Variants in PAN3 observed in about 807,000 individuals in gnomAD.
The protein encoded by PAN3 is PAN2-PAN3 deadenylation complex subunit PAN3.
Under a neutral mutation model 96.2 loss-of-function variants are expected in PAN3, and 19 were observed. The observed-to-expected ratio is 0.20, with a 90% CI of 0.14 to 0.29. The LOEUF (loss-of-function observed/expected upper bound fraction) is 0.29, where lower values mean the gene tolerates loss of function less well. Among genes scored for constraint, PAN3 ranks in the 10% least tolerant of loss-of-function variants. The probability of loss-of-function intolerance (pLI) is 1.00; values close to 1 mark genes in which losing one functional copy is unlikely to be tolerated. For synonymous variants in PAN3, 433 were observed against 406.6 expected (o/e 1.06, Z -0.78); for missense variants, 882 against 1,108.1 (o/e 0.80, Z 2.90).
intron 1 of PAN3, among the ~76,000 whole-genome samples, chr13:28,139,440 G>T (rs1458065402): frequency 6.6e-6 from 1 of 151,476 alleles, no homozygotes; most frequent in Non-Finnish European, 1.5e-5. Flanking sequence ...GGGTTTGCAG[G>T]CACATGTGTT....
chr13:28,284,521 C>G (rs1249310444), intron 17 of PAN3, among the ~76,000 whole-genome samples: 2 of 152,012 alleles, frequency 1.3e-5, no homozygotes, highest in African/African-American at 2.4e-5. Flanking sequence ...TATGAAGGAA[C>G]TATTTCATGG....
At chr13:28,192,134 A>C (rs1043395724) in intron 4 of PAN3, among the ~76,000 whole-genome samples, 7 of 146,876 alleles carry the variant, frequency 4.8e-5, no homozygotes, top group African/African-American at 1.8e-4. Flanking sequence ...CAGCGGCACC[A>C]TCTCAGCTCA....
chr13:28,244,867 G>A (rs990950842), intron 6 of PAN3, among the ~76,000 whole-genome samples: 13 of 151,156 alleles, frequency 8.6e-5, no homozygotes, highest in African/African-American at 2.9e-4. Flanking sequence ...TTTTATTTTT[G>A]AGATGGAGTC....
At chr13:28,252,608 G>T (rs1384935753) in intron 6 of PAN3, among the ~76,000 whole-genome samples, 18 of 151,904 alleles carry the variant, frequency 1.2e-4, no homozygotes, top group Admixed American at 3.9e-4. Context: ...ACTTTTATTT[G>T]AATTGGGTAC....
chr13:28,285,040 C>CT (rs1566261185), intron 17 of PAN3, among the ~76,000 whole-genome samples: 1 of 152,080 alleles, frequency 6.6e-6, no homozygotes, highest in Non-Finnish European at 1.5e-5. Flanking sequence ...TTAAGTTGTT[C>CT]TTTATATAGT....
At chr13:28,271,909 A>G (rs1886651816) in intron 13 of PAN3, 72 bp from the exon 14 acceptor site, 1 of 1,068,558 alleles carries the variant, frequency 9.4e-7, no homozygotes, top group Non-Finnish European at 1.3e-6. Context: ...GGGAAATGTT[A>G]CTTTTCCATG....
intron 6 of PAN3, chr13:28,239,722 G>A (rs1196875590): frequency 4.1e-6 from 5 of 1,223,382 alleles, no homozygotes; most frequent in Admixed American, 4.6e-5. Context: ...TGAAGGGATT[G>A]TTGAGTTCAG....
intron 5 of PAN3, chr13:28,215,899 T>C (rs1362894696): frequency 1.6e-6 from 2 of 1,289,544 alleles, no homozygotes; most frequent in Non-Finnish European, 2.2e-6. Context: ...GCTAAATGAA[T>C]ATTATCCCTA....
At chr13:28,179,677 C>G (rs1875509071) in intron 4 of PAN3, among the ~76,000 whole-genome samples, 1 of 149,114 alleles carries the variant, frequency 6.7e-6, no homozygotes, top group East Asian at 2.0e-4. Flanking sequence ...GCACTCCAGT[C>G]TGGACAACAG....
rs75154667 is a variant in PAN3, at chr13:28,244,511, T to C, written c.1001-11781T>C. 7.6e-3 allele frequency among the ~76,000 whole-genome samples: 1,164 copies of C among 152,290 alleles called. 10 individuals are homozygous for C. Among genetic ancestry groups the C allele is most frequent in the South Asian group, 0.013 (64 of 4,830 alleles). Reference sequence around the variant, plus strand: ...TTATTGAGCAGGTCATCTCCTCCCTTGAAGTCTGAATATAACATAAAGTAT... The same window carrying C: ...TTATTGAGCAGGTCATCTCCTCCCTCGAAGTCTGAATATAACATAAAGTAT... On this transcript the variant is annotated intron_variant, in intron 6 of 18. Coordinates refer to ENST00000380958, the MANE Select transcript of PAN3 (RefSeq NM_175854.8).
chr13:28,213,968 A>G (rs938562366), intron 5 of PAN3, among the ~76,000 whole-genome samples: 1 of 152,168 alleles, frequency 6.6e-6, no homozygotes, highest in Non-Finnish European at 1.5e-5. Flanking sequence ...GATCTCTTAT[A>G]CAGTGCTGGT....
intron 6 of PAN3, chr13:28,239,767 G>C (rs1883471926): frequency 2.2e-6 from 2 of 920,458 alleles, no homozygotes; most frequent in South Asian, 2.8e-5. Flanking sequence ...AGGGGTTGCT[G>C]TTGTGAAAAC....
intron 4 of PAN3, among the ~76,000 whole-genome samples, chr13:28,179,878 T>C (rs1593420152): frequency 6.6e-6 from 1 of 152,054 alleles, no homozygotes; most frequent in Non-Finnish European, 1.5e-5. Context: ...TTTGAGAAAA[T>C]AATAAAAATT....
chr13:28,220,258 A>G lies in PAN3; in HGVS notation c.880A>G (p.Ile294Val), dbSNP rs763086594. The G allele has an allele frequency of 2.5e-6, 4 of 1,613,256 alleles. No individual in the cohort carries two copies. The highest frequency in any genetic ancestry group is 2.2e-5 in the South Asian group (2 of 90,944). Residue 294 changes from isoleucine to valine, a missense_variant, in exon 6 of 19, where the codon ATT becomes GTT. Ile to Val is a conservative substitution (Grantham distance 29, BLOSUM62 3). This residue lies in a region of PAN3 where 442 missense variants were observed against 422.8 expected (regional missense o/e 1.05). Transcript: ENST00000380958. ...QTPNPTASEF[I>V]PKGGSTSRLS... ...ACCAAATCCTACTGCAAGCGAGTTT[A>G]TTCCTAAAGGAGGATCAACCTCCAG...
chr13:28,224,136 G>T (rs192932733), intron 6 of PAN3, among the ~76,000 whole-genome samples: 10 of 152,258 alleles, frequency 6.6e-5, no homozygotes, highest in Admixed American at 5.9e-4. Flanking sequence ...CTCCCAAAGT[G>T]CTGGGATTAC....
intron 6 of PAN3, chr13:28,239,760 G>GGAATTAAAA: frequency 1.0e-6 from 1 of 977,666 alleles, no homozygotes; most frequent in Non-Finnish European, 1.4e-6. Context: ...AATCATAAGG[G>GGAATTAAAA]GTTGCTGTTG....
In PAN3 at chr13:28,197,352, A is replaced by T. The variant is rs750288545; in HGVS notation, c.852+6A>T. The T allele has an allele frequency of 6.4e-7, 1 of 1,571,058 alleles. No homozygotes were observed. The highest frequency in any genetic ancestry group is 8.6e-7 in the Non-Finnish European group (1 of 1,157,040). ...TCACAGAAAACAATTTACAGGTAAA[A>T]ATAATTTTTATTAGACATTTCTTGA... On this transcript the variant is annotated splice_donor_region_variant and intron_variant, in intron 5 of 18. Coordinates refer to ENST00000380958, the MANE Select transcript of PAN3 (RefSeq NM_175854.8).
intron 4 of PAN3, among the ~76,000 whole-genome samples, chr13:28,189,167 G>A (rs1172843295): frequency 6.6e-6 from 1 of 152,138 alleles, no homozygotes; most frequent in Admixed American, 6.5e-5. Context: ...TTATGAAGTG[G>A]GGCAAAGGTT....
chr13:28,200,922 T>C (rs1878610288), intron 5 of PAN3, among the ~76,000 whole-genome samples: 1 of 152,214 alleles, frequency 6.6e-6, no homozygotes, highest in Non-Finnish European at 1.5e-5. Context: ...CAAAATTTTA[T>C]TGAAATTGCT....
Sources: allele counts gnomAD v4.1 joint callset (sites outside exome capture counted in the v4.1 genomes callset), GRCh38; gene constraint gnomAD v4.1.1; regional missense constraint gnomAD v4.1.1; transcripts MANE v1.5; gene names NCBI Gene and HGNC (gene_info 2026-07-23, HGNC 2026-07-21).